GLYATL3: variants seen among roughly 807,000 people sequenced by gnomAD.
GLYATL3 encodes glycine-N-acyltransferase like 3, also known as glycine N-acyltransferase-like protein 3.
In GLYATL3, 31 loss-of-function variants were observed where a neutral mutation model predicts 28.5. The observed-to-expected ratio is 1.09, with a 90% CI of 0.82 to 1.47. GLYATL3 has a LOEUF of 1.47. Among genes scored for constraint, GLYATL3 ranks in the 40% most tolerant of loss-of-function variants. The probability of loss-of-function intolerance (pLI) is 0.00; values close to 1 mark genes in which losing one functional copy is unlikely to be tolerated. For missense variants in GLYATL3, 369 were observed against 351.5 expected (o/e 1.05, Z -0.40); for synonymous variants, 141 against 140.2 (o/e 1.01, Z -0.04).
In GLYATL3 at chr6:49,526,668, C is replaced by A. The variant is rs1290646818; in HGVS notation, c.621C>A (p.Asp207Glu). Residue 207 changes from aspartate to glutamate, a missense_variant, in exon 6 of 6, where the codon GAC (aspartate) becomes GAA (glutamate). By Grantham distance (45) the Asp-to-Glu change is conservative. Transcript: ENST00000371197. ...ACCCGGTCTCCTGGTCCATCACAGA[C>A]CAGTTTGCCACCATGTGCCATGGCT... ...KGNPVSWSITDQFATMCHGYT... is the reference protein window; with the variant it reads ...KGNPVSWSITEQFATMCHGYT... 7 of 1,551,726 alleles carry A rather than the reference C, an allele frequency of 4.5e-6. No individual in the cohort carries two copies. In the Admixed American group the frequency reaches 1.2e-4, roughly 26 times the overall value.
intron 4 of GLYATL3, among the ~76,000 whole-genome samples, chr6:49,520,020 CT>C (rs1769285696): frequency 6.6e-6 from 1 of 152,142 alleles, no homozygotes; most frequent in South Asian, 2.1e-4. Context: ...AGCCACTCTT[CT>C]CATAGAAGGT....
chr6:49,510,800 C>T (rs1769108368), intron 1 of GLYATL3, among the ~76,000 whole-genome samples: 1 of 152,176 alleles, frequency 6.6e-6, no homozygotes, highest in African/African-American at 2.4e-5. Flanking sequence ...TCTCTTCTGA[C>T]TCCTGCAGAG....
intron 1 of GLYATL3, among the ~76,000 whole-genome samples, chr6:49,501,913 T>C (rs967932005): frequency 6.6e-6 from 1 of 152,206 alleles, no homozygotes; most frequent in Non-Finnish European, 1.5e-5. Context: ...TCTGCTTTTC[T>C]GGGATAGGAA....
chr6:49,501,182 A>T (rs1042084998), intron 1 of GLYATL3, among the ~76,000 whole-genome samples: 1 of 152,072 alleles, frequency 6.6e-6, no homozygotes, highest in Non-Finnish European at 1.5e-5. Context: ...GGTGGATCAC[A>T]TGAGGTCAGG....
chr6:49,512,215 C>T, intron 2 of GLYATL3, 147 bp downstream of exon 2: 2 of 435,046 alleles, frequency 4.6e-6, no homozygotes, highest in East Asian at 3.5e-5. Context: ...CTCCCTCCTG[C>T]TAGAGACAGA....
At chr6:49,520,192 C>A (rs1769289663) in intron 4 of GLYATL3, among the ~76,000 whole-genome samples, 1 of 151,692 alleles carries the variant, frequency 6.6e-6, no homozygotes, top group Admixed American at 6.6e-5. Flanking sequence ...AACTGCACAG[C>A]AAACACCTCG....
At chr6:49,525,900 A>C (rs895415244) in intron 5 of GLYATL3, among the ~76,000 whole-genome samples, 1 of 152,220 alleles carries the variant, frequency 6.6e-6, no homozygotes. Context: ...GCCAAACTTA[A>C]TTTATTTAAC....
intron 5 of GLYATL3, among the ~76,000 whole-genome samples, chr6:49,524,338 T>C (rs746852105): frequency 4.6e-5 from 7 of 152,182 alleles, no homozygotes; most frequent in African/African-American, 4.8e-5. Context: ...ACACCTCTAA[T>C]TAAAAGAAAA....
intron 5 of GLYATL3, among the ~76,000 whole-genome samples, chr6:49,526,025 G>A (rs953821194): frequency 1.3e-5 from 2 of 152,148 alleles, no homozygotes; most frequent in Non-Finnish European, 2.9e-5. Flanking sequence ...AATGAAACCC[G>A]GAAAGGTGTT....
At chr6:49,502,584 C>T (rs954591143) in intron 1 of GLYATL3, among the ~76,000 whole-genome samples, 1 of 152,258 alleles carries the variant, frequency 6.6e-6, no homozygotes, top group Non-Finnish European at 1.5e-5. Context: ...ATCTCCCATC[C>T]AGATAACAGT....
At chr6:49,512,314 G>A (rs1305489670) in intron 2 of GLYATL3, among the ~76,000 whole-genome samples, 1 of 134,658 alleles carries the variant, frequency 7.4e-6, no homozygotes, top group East Asian at 2.1e-4. Context: ...TTTAAGTTCT[G>A]GGATGCATGT....
intron 1 of GLYATL3, among the ~76,000 whole-genome samples, chr6:49,505,737 C>T (rs184963825): frequency 1.3e-5 from 2 of 152,206 alleles, no homozygotes; most frequent in Admixed American, 1.3e-4. Context: ...TAGTGACACA[C>T]TGACATCCTA....
In GLYATL3 at chr6:49,527,003, C is replaced by A; in HGVS notation, c.*89C>A. The A allele has an allele frequency of 1.0e-6, 1 of 983,420 alleles. No homozygotes were observed. Among genetic ancestry groups the A allele is most frequent in the Non-Finnish European group, 1.5e-6 (1 of 684,730 alleles). 60.9% of individuals were successfully genotyped at this position (983,420 alleles called of 1,614,324 possible). A position where few individuals can be genotyped will look rare whatever the true frequency, so the allele number is the denominator to read the frequency against. On this transcript the variant is annotated 3_prime_UTR_variant, in exon 6 of 6. Coordinates refer to ENST00000371197, the MANE Select transcript of GLYATL3 (RefSeq NM_001010904.2). ...ACGAGGGGAGAGTTAAAATGGGAAT[C>A]AGGGGACTCTTGAGTTGTTGGAAAG...
chr6:49,503,477 A>G (rs1768950601), intron 1 of GLYATL3, among the ~76,000 whole-genome samples: 2 of 152,240 alleles, frequency 1.3e-5, no homozygotes, highest in African/African-American at 4.8e-5. Flanking sequence ...AGTTAAATAT[A>G]TGATATAATA....
At chr6:49,521,008 C>T (rs1769302194) in intron 4 of GLYATL3, among the ~76,000 whole-genome samples, 1 of 152,098 alleles carries the variant, frequency 6.6e-6, no homozygotes, top group African/African-American at 2.4e-5. Flanking sequence ...AGAGCAAGAC[C>T]CTGTTTCTAA....
chr6:49,507,099 A>C (rs1026530876), intron 1 of GLYATL3, among the ~76,000 whole-genome samples: 1 of 152,160 alleles, frequency 6.6e-6, no homozygotes, highest in African/African-American at 2.4e-5. Context: ...GATCATCATC[A>C]GGTTCCTTCT....
At chr6:49,506,085 T>C (rs1025846311) in intron 1 of GLYATL3, among the ~76,000 whole-genome samples, 3 of 152,196 alleles carry the variant, frequency 2.0e-5, no homozygotes, top group Non-Finnish European at 4.4e-5. Context: ...TGATGTCACC[T>C]AGTAATTTTT....
chr6:49,514,174 C>A (rs754525699), intron 2 of GLYATL3, among the ~76,000 whole-genome samples: 5 of 152,188 alleles, frequency 3.3e-5, no homozygotes, highest in Non-Finnish European at 7.3e-5. Context: ...TGCAATGCCC[C>A]TTTCCAACCG....
At chr6:49,506,681 AAC>A (rs1769016510) in intron 1 of GLYATL3, among the ~76,000 whole-genome samples, 1 of 152,126 alleles carries the variant, frequency 6.6e-6, no homozygotes, top group African/African-American at 2.4e-5. Context: ...TTGTACAACA[AAC>A]ACAGGCGAGT....
Sources: allele counts gnomAD v4.1 joint callset (sites outside exome capture counted in the v4.1 genomes callset), GRCh38; gene constraint gnomAD v4.1.1; transcripts MANE v1.5; gene names NCBI Gene and HGNC (gene_info 2026-07-23, HGNC 2026-07-21).